CNTNAP2: variants seen among roughly 807,000 people sequenced by gnomAD.
CNTNAP2 encodes contactin associated protein 2.
CNTNAP2 carries 98 observed loss-of-function variants against 155.2 expected under a neutral mutation model. The ratio of observed to expected loss-of-function variants is 0.63; its 90% confidence interval spans 0.54 to 0.75. The LOEUF (loss-of-function observed/expected upper bound fraction) is 0.75, where lower values mean the gene tolerates loss of function less well. Ranked by LOEUF, CNTNAP2 falls within the 30% of genes least tolerant of loss-of-function variation. CNTNAP2 has a pLI of 0.00. For synonymous variants in CNTNAP2, 651 were observed against 631.2 expected (o/e 1.03, Z -0.47); for missense variants, 1,727 against 1,688.1 (o/e 1.02, Z -0.40).
chr7:147,704,705 G>A (rs910423038), intron 13 of CNTNAP2: 1 of 152,148 alleles, frequency 6.6e-6, no homozygotes, highest in African/African-American at 2.4e-5. Context: ...AAACCATTCA[G>A]TTTTGGACTT....
chr7:147,657,168 A>G (rs1795537759), intron 13 of CNTNAP2, among the ~76,000 whole-genome samples: 1 of 152,226 alleles, frequency 6.6e-6, no homozygotes, highest in Non-Finnish European at 1.5e-5. Context: ...AAATCAGATT[A>G]CTTATATGCT....
At chr7:146,508,293 A>G (rs1033939799) in intron 1 of CNTNAP2, among the ~76,000 whole-genome samples, 3 of 152,194 alleles carry the variant, frequency 2.0e-5, no homozygotes, top group Admixed American at 6.5e-5. Flanking sequence ...GCTCAACCAC[A>G]TGTATTTGGA....
intron 3 of CNTNAP2, among the ~76,000 whole-genome samples, chr7:146,874,486 C>A (rs1290497303): frequency 6.6e-6 from 1 of 152,074 alleles, no homozygotes. Flanking sequence ...ATTACAGGCA[C>A]CTGCCATCAT....
chr7:147,644,242 C>T (rs896355255), intron 13 of CNTNAP2, among the ~76,000 whole-genome samples: 73 of 152,096 alleles, frequency 4.8e-4, no homozygotes, highest in Non-Finnish European at 1.8e-4. Context: ...TTTATATCCC[C>T]GGATTTGTAA....
intron 1 of CNTNAP2, among the ~76,000 whole-genome samples, chr7:146,536,808 A>T (rs1406741341): frequency 1.3e-5 from 2 of 152,118 alleles, no homozygotes; most frequent in Non-Finnish European, 2.9e-5. Context: ...CGTACCACAG[A>T]TAATATATTT....
chr7:148,304,031 G>T (rs1241958909), intron 21 of CNTNAP2, among the ~76,000 whole-genome samples: 3 of 152,196 alleles, frequency 2.0e-5, no homozygotes, highest in African/African-American at 7.2e-5. Context: ...CTACAAATCT[G>T]CAACCTCCCT....
At chr7:146,454,333 A>G (rs965868481) in intron 1 of CNTNAP2, among the ~76,000 whole-genome samples, 4 of 152,208 alleles carry the variant, frequency 2.6e-5, no homozygotes, top group Non-Finnish European at 5.9e-5. Flanking sequence ...TAGGTGACAT[A>G]TAACAAATAA....
At chr7:147,395,514 A>G in intron 9 of CNTNAP2, 95 bp from the exon 10 acceptor site, 1 of 1,194,910 alleles carries the variant, frequency 8.4e-7, no homozygotes, top group East Asian at 2.4e-5. Context: ...CAGTAGTTGG[A>G]TGTGATGGCT....
chr7:146,835,061 T>C (rs542864193), intron 2 of CNTNAP2, among the ~76,000 whole-genome samples: 1 of 152,324 alleles, frequency 6.6e-6, no homozygotes, highest in South Asian at 2.1e-4. Flanking sequence ...ATATTTCTGC[T>C]AAGAAATACA....
chr7:146,540,853 C>A (rs4526284), intron 1 of CNTNAP2, among the ~76,000 whole-genome samples: 1 of 152,014 alleles, frequency 6.6e-6, no homozygotes, highest in East Asian at 1.9e-4. Flanking sequence ...TTACAGAATG[C>A]GTGTTTCATT....
At chr7:146,902,947 C>A (rs561016158) in intron 3 of CNTNAP2, among the ~76,000 whole-genome samples, 1 of 152,208 alleles carries the variant, frequency 6.6e-6, no homozygotes, top group East Asian at 1.9e-4. Context: ...CACACTGACT[C>A]AGTGACTGGT....
chr7:147,387,532 G>T (rs1796643684), intron 9 of CNTNAP2, among the ~76,000 whole-genome samples: 1 of 152,000 alleles, frequency 6.6e-6, no homozygotes, highest in Non-Finnish European at 1.5e-5. Context: ...GTATCTGCCT[G>T]GTTTCTCCAA....
chr7:146,253,164 T>C lies in CNTNAP2; in HGVS notation c.97+136191T>C, dbSNP rs76654321. Among the ~76,000 whole-genome samples, 75 of 152,356 alleles carry C rather than the reference T, an allele frequency of 4.9e-4. No individual in the cohort carries two copies. In the East Asian group the frequency reaches 0.014, roughly 29 times the overall value. On this transcript the variant is annotated intron_variant, in intron 1 of 23. Coordinates refer to ENST00000361727, the MANE Select transcript of CNTNAP2 (RefSeq NM_014141.6). ...CTCTTGCCTTCCCCTCTGTGATTGC[T>C]AAGTACAGACACACAGAAGTGCTGC...
chr7:146,817,411 G>T (rs763003573), intron 2 of CNTNAP2, among the ~76,000 whole-genome samples: 2 of 151,968 alleles, frequency 1.3e-5, no homozygotes, highest in African/African-American at 2.4e-5. Context: ...GGCGGAAGTT[G>T]CAGTGAGCCG....
intron 14 of CNTNAP2, among the ~76,000 whole-genome samples, chr7:147,914,183 A>C (rs967937058): frequency 6.6e-6 from 1 of 152,150 alleles, no homozygotes; most frequent in African/African-American, 2.4e-5. Context: ...GCCAAGATGA[A>C]AGTGAAAAAA....
intron 21 of CNTNAP2, among the ~76,000 whole-genome samples, chr7:148,304,189 T>G (rs1797446648): frequency 6.6e-6 from 1 of 152,190 alleles, no homozygotes; most frequent in African/African-American, 2.4e-5. Flanking sequence ...GAAATTAGAT[T>G]GTAAGCAAAG....
chr7:146,587,491 G>A (rs948157865), intron 1 of CNTNAP2, among the ~76,000 whole-genome samples: 42 of 151,998 alleles, frequency 2.8e-4, no homozygotes, highest in Admixed American at 2.3e-3. Flanking sequence ...TCCAAACACC[G>A]AAGTATCTCC....
chr7:147,482,720 C>CAATAAATAAATA (rs71527814), intron 10 of CNTNAP2, among the ~76,000 whole-genome samples: 137 of 138,312 alleles, frequency 9.9e-4, no homozygotes, highest in African/African-American at 2.4e-3. Flanking sequence ...GATTCCGTCT[C>CAATAAATAAATA]AATAAATAAA....
chr7:146,205,655 A>T (rs893744909), intron 1 of CNTNAP2, among the ~76,000 whole-genome samples: 13 of 152,052 alleles, frequency 8.5e-5, no homozygotes, highest in African/African-American at 3.1e-4. Flanking sequence ...CTCAGACCAG[A>T]TACTTTTCTC....
Sources: gnomAD v4.1 joint callset for allele counts (sites outside exome capture counted in the v4.1 genomes callset) on GRCh38, gnomAD v4.1.1 for gene constraint, MANE v1.5 for transcripts, NCBI Gene and HGNC (gene_info 2026-07-23, HGNC 2026-07-21) for gene names.